THSD7A: variants seen among roughly 807,000 people sequenced by gnomAD.
THSD7A encodes the protein thrombospondin type-1 domain-containing protein 7A.
Under a neutral mutation model 231.3 loss-of-function variants are expected in THSD7A, and 96 were observed. The ratio of observed to expected loss-of-function variants is 0.41; its 90% CI spans 0.35 to 0.49. THSD7A has a LOEUF of 0.49. Ranked by LOEUF, THSD7A falls within the 20% of genes least tolerant of loss-of-function variation. The pLI, the probability that THSD7A is intolerant of heterozygous loss-of-function variation, is 0.05. For synonymous variants in THSD7A, 940 were observed against 743.3 expected, an observed-to-expected ratio of 1.26 and a Z score of -4.30; for missense variants, 2,290 against 2,070.2, an observed-to-expected ratio of 1.11 and a Z score of -2.06.
At chr7:11,829,965 T>A (rs1246432130) in intron 1 of THSD7A, among the ~76,000 whole-genome samples, 1 of 152,172 alleles carries the variant, frequency 6.6e-6, no homozygotes, top group African/African-American at 2.4e-5. Flanking sequence ...CACTTTCTCA[T>A]AACTCATGTG....
intron 1 of THSD7A, among the ~76,000 whole-genome samples, chr7:11,771,260 A>T (rs1783219928): frequency 1.3e-5 from 2 of 151,612 alleles, no homozygotes; most frequent in Non-Finnish European, 3.0e-5. Flanking sequence ...ACTAACTATC[A>T]TGTAGGCACA....
intron 1 of THSD7A, among the ~76,000 whole-genome samples, chr7:11,683,611 T>C (rs1198878381): frequency 6.6e-6 from 1 of 151,932 alleles, no homozygotes; most frequent in Non-Finnish European, 1.5e-5. Flanking sequence ...GCATACAAGC[T>C]AGAAAATCTA....
At chr7:11,418,280 C>T (rs1784027767) in intron 16 of THSD7A, among the ~76,000 whole-genome samples, 1 of 152,202 alleles carries the variant, frequency 6.6e-6, no homozygotes, top group Non-Finnish European at 1.5e-5. Context: ...GATTTTCCTA[C>T]TACTTGACTT....
At chr7:11,566,967 G>GGA (rs35093327) in intron 4 of THSD7A, among the ~76,000 whole-genome samples, 40,908 of 105,742 alleles carry the variant, frequency 0.39, 14,213 homozygotes, top group Admixed American at 0.6. Flanking sequence ...TGGGAGAGTG[G>GGA]GGGGGGGACT....
intron 1 of THSD7A, among the ~76,000 whole-genome samples, chr7:11,682,342 C>A (rs147404894): frequency 6.6e-6 from 1 of 152,110 alleles, no homozygotes; most frequent in African/African-American, 2.4e-5. Context: ...TAACCTTCTG[C>A]TATCTTTAAG....
intron 2 of THSD7A, among the ~76,000 whole-genome samples, chr7:11,619,280 T>C (rs538148217): frequency 6.6e-6 from 1 of 152,264 alleles, no homozygotes; most frequent in African/African-American, 2.4e-5. Context: ...ATGATCTTTG[T>C]CTTTATCTAA....
At chr7:11,535,926 T>A (rs919006404) in intron 6 of THSD7A, among the ~76,000 whole-genome samples, 2 of 152,184 alleles carry the variant, frequency 1.3e-5, no homozygotes, top group South Asian at 4.1e-4. Context: ...CTCTCCCTTG[T>A]ACATTACAAT....
chr7:11,663,383 A>G (rs1447830873), intron 1 of THSD7A, among the ~76,000 whole-genome samples: 2 of 151,574 alleles, frequency 1.3e-5, no homozygotes, highest in African/African-American at 4.8e-5. Context: ...TGCAAGGAAA[A>G]TGTTTGGCCC....
intron 1 of THSD7A, among the ~76,000 whole-genome samples, chr7:11,770,898 T>C (rs1227509898): frequency 1.3e-5 from 2 of 151,868 alleles, no homozygotes; most frequent in Non-Finnish European, 2.9e-5. Flanking sequence ...AAATCAAAAA[T>C]AATAGTTATA....
At chr7:11,665,292 G>A (rs1319467729) in intron 1 of THSD7A, among the ~76,000 whole-genome samples, 1 of 152,056 alleles carries the variant, frequency 6.6e-6, no homozygotes. Flanking sequence ...GCCCATTAAT[G>A]TTAATTGCCA....
At chr7:11,418,854 A>G (rs1278117927) in intron 16 of THSD7A, among the ~76,000 whole-genome samples, 1 of 152,196 alleles carries the variant, frequency 6.6e-6, no homozygotes, top group Admixed American at 6.5e-5. Flanking sequence ...TACATACATA[A>G]AAAGCAATCA....
intron 4 of THSD7A, among the ~76,000 whole-genome samples, chr7:11,574,597 G>A (rs1198125484): frequency 1.3e-5 from 2 of 150,774 alleles, no homozygotes; most frequent in Non-Finnish European, 3.0e-5. Context: ...ACCACGCCCG[G>A]CTAATTTTTT....
chr7:11,714,261 A>G (rs1402460010), intron 1 of THSD7A, among the ~76,000 whole-genome samples: 1 of 151,210 alleles, frequency 6.6e-6, no homozygotes, highest in East Asian at 2.0e-4. Flanking sequence ...GTTCATAGTG[A>G]ATTATATGTA....
In THSD7A at chr7:11,406,990, G is replaced by A. The variant is rs769972708; in HGVS notation, c.3982C>T (p.Leu1328=). Reference sequence around the variant, plus strand: ...GGGCAGGGTTTGGACTGGTCCATCAGGGAAGGGCATGGTCTTCCATCACCT... The same window carrying A: ...GGGCAGGGTTTGGACTGGTCCATCAAGGAAGGGCATGGTCTTCCATCACCT... ...FQGDGRPCPS[L]MDQSKPCPVK... The change falls in exon 21 of 28, where the codon CTG becomes TTG. Residue 1328 remains leucine (L), a synonymous_variant. Transcript: ENST00000423059. The surrounding 1 kb of genome is among the most constrained non-coding windows in gnomAD (Gnocchi z 4.7). 6.2e-7 allele frequency: 1 copy of A among 1,613,876 alleles called. No individual in the cohort carries two copies. Among genetic ancestry groups the A allele is most frequent in the South Asian group, 1.1e-5 (1 of 91,066 alleles).
intron 4 of THSD7A, among the ~76,000 whole-genome samples, chr7:11,568,800 T>C (rs909241925): frequency 2.0e-5 from 3 of 151,910 alleles, no homozygotes; most frequent in African/African-American, 7.2e-5. Context: ...TCTTTTCAGA[T>C]GGCATGATTG....
In THSD7A at chr7:11,417,508, A is replaced by G; in HGVS notation, c.3479T>C (p.Leu1160Ser). 1 of 1,613,770 alleles carries G rather than the reference A, an allele frequency of 6.2e-7. No homozygotes were observed. The highest frequency in any genetic ancestry group is 8.5e-7 in the Non-Finnish European group (1 of 1,179,764). Residue 1160 changes from leucine (L) to serine (S), a missense_variant, in exon 17 of 28, where the codon TTA becomes TCA. Transcript: ENST00000423059. ...TATCACACAGTCCTCAGGGCATGGT[A>G]ATTTGCACACTCTAGAGCCCAGGGG... ...EMPLGSRVCK[L>S]PCPEDCVISE...
chr7:11,470,011 GA>G lies in THSD7A; in HGVS notation c.2253-18del. On this transcript the variant is annotated intron_variant, in intron 8 of 27. Coordinates refer to ENST00000423059, the MANE Select transcript of THSD7A (RefSeq NM_015204.3). ...TCAGGACATCTAGAAAGGCAAAGGGGAATTATTAGGCTTCAATAGTAAAGCA... is the reference window on the plus strand; with the variant it reads ...TCAGGACATCTAGAAAGGCAAAGGGGATTATTAGGCTTCAATAGTAAAGCA... 2 of 1,487,186 alleles carry G rather than the reference GA, an allele frequency of 1.3e-6. No homozygotes were observed. The highest frequency in any genetic ancestry group is 2.4e-5 in the South Asian group (2 of 83,336). 92.1% of individuals were successfully genotyped at this position (1,487,186 alleles called of 1,614,324 possible).
intron 2 of THSD7A, among the ~76,000 whole-genome samples, chr7:11,633,048 T>G (rs781068765): frequency 2.0e-5 from 3 of 152,230 alleles, no homozygotes; most frequent in Non-Finnish European, 4.4e-5. Flanking sequence ...CATTTTTTAT[T>G]GCTTCTAATG....
At chr7:11,434,454 T>C (rs973962885) in intron 13 of THSD7A, among the ~76,000 whole-genome samples, 2 of 152,124 alleles carry the variant, frequency 1.3e-5, no homozygotes, top group Admixed American at 6.6e-5. Context: ...TCATTTGAAT[T>C]ATGAATGTGG....
Sources: allele counts gnomAD v4.1 joint callset (sites outside exome capture counted in the v4.1 genomes callset), GRCh38; gene constraint gnomAD v4.1.1; non-coding constraint Gnocchi (gnomAD v3.1); transcripts MANE v1.5; gene names NCBI Gene and HGNC (gene_info 2026-07-23, HGNC 2026-07-21).